Variants in BLTP1 observed in about 807,000 individuals in gnomAD.
BLTP1 encodes bridge-like lipid transfer protein family member 1.
At chr4:122,216,968 T>A in the BLTP1 span, among the ~76,000 whole-genome samples, 185 of 152,326 alleles carry the variant, frequency 1.2e-3, no homozygotes, top group Non-Finnish European at 2.3e-3. Context: ...ACAGTTTCAT[T>A]CTTCTACTTG....
chr4:122,224,880 G>A, the BLTP1 span: 2 of 1,469,078 alleles, frequency 1.4e-6, no homozygotes, highest in Non-Finnish European at 9.0e-7. Context: ...CATATAATTT[G>A]TTGGGTGTAA....
chr4:122,323,688 G>A, the BLTP1 span, among the ~76,000 whole-genome samples: 1 of 151,834 alleles, frequency 6.6e-6, no homozygotes, highest in Non-Finnish European at 1.5e-5. Flanking sequence ...TCTGTAACAT[G>A]TAATTTTATA....
chr4:122,360,526 T>C, the BLTP1 span, among the ~76,000 whole-genome samples: 5 of 152,172 alleles, frequency 3.3e-5, no homozygotes, highest in Non-Finnish European at 7.4e-5. Context: ...TTCTGCAAAA[T>C]GATATACATT....
At chr4:122,208,103 T>C in the BLTP1 span, 42 of 984,318 alleles carry the variant, frequency 4.3e-5, no homozygotes, top group Non-Finnish European at 4.9e-5. Flanking sequence ...GTAGTACTTG[T>C]AGTATTAATA....
At chr4:122,280,030 G>T in the BLTP1 span, 1 of 1,610,020 alleles carries the variant, frequency 6.2e-7, no homozygotes. Flanking sequence ...TACTACCTCA[G>T]GGTATTCTTT....
chr4:122,205,634 CCCCCCCTTCT>C, the BLTP1 span, among the ~76,000 whole-genome samples: 1 of 34,018 alleles, frequency 2.9e-5, no homozygotes, highest in Non-Finnish European at 5.8e-5. Flanking sequence ...CAATTGTTTC[CCCCCCCTTCT>C]CTCTCTCTCT....
chr4:122,201,879 C>T, the BLTP1 span: 5 of 984,688 alleles, frequency 5.1e-6, no homozygotes, highest in Admixed American at 6.2e-5. Context: ...AGCGTCTCAT[C>T]GATGCTGAGT....
At chr4:122,246,368 G>T in the BLTP1 span, 1 of 1,311,132 alleles carries the variant, frequency 7.6e-7, no homozygotes, top group Non-Finnish European at 1.0e-6. Flanking sequence ...GTCCTTTTCA[G>T]TTACCAACGT....
the BLTP1 span, among the ~76,000 whole-genome samples, chr4:122,313,188 T>C: frequency 6.6e-6 from 1 of 152,268 alleles, no homozygotes; most frequent in Admixed American, 6.5e-5. Context: ...TGATGAATCA[T>C]GTGTCTGACC....
the BLTP1 span, among the ~76,000 whole-genome samples, chr4:122,200,802 C>G: frequency 1.3e-5 from 2 of 152,092 alleles, no homozygotes; most frequent in African/African-American, 2.4e-5. Context: ...TTGACCACAT[C>G]TTGACTTAAT....
the BLTP1 span, chr4:122,204,874 T>C: frequency 2.4e-6 from 2 of 848,564 alleles, no homozygotes; most frequent in East Asian, 2.4e-4. Flanking sequence ...ATCACTGTGA[T>C]TGTTAAATAA....
the BLTP1 span, chr4:122,219,113 A>G: frequency 1.0e-6 from 1 of 983,112 alleles, no homozygotes; most frequent in Non-Finnish European, 1.2e-6. Flanking sequence ...TTTTCTATAA[A>G]ATAGGCTCTG....
the BLTP1 span, chr4:122,207,514 C>CTTTTTTTTTTTTTTTTT: frequency 1.0e-5 from 13 of 1,286,852 alleles, no homozygotes; most frequent in Admixed American, 8.0e-5. Context: ...ACTTTTTCTT[C>CTTTTTTTTTTTTTTTTT]TTTTTTTTTT....
the BLTP1 span, chr4:122,258,679 T>C: frequency 6.2e-7 from 1 of 1,602,958 alleles, no homozygotes; most frequent in Non-Finnish European, 8.5e-7. Flanking sequence ...TATTGCTCAC[T>C]TATTCTTTTG....
the BLTP1 span, chr4:122,359,840 T>G: frequency 7.0e-7 from 1 of 1,427,118 alleles, no homozygotes; most frequent in South Asian, 1.6e-5. Flanking sequence ...TAGTCTCCTG[T>G]AATGTCTATA....
the BLTP1 span, chr4:122,187,792 A>G: frequency 2.4e-6 from 3 of 1,266,036 alleles, no homozygotes; most frequent in Non-Finnish European, 3.2e-6. Context: ...GGAATCATTA[A>G]GCTGTTGTTT....
chr4:122,192,893 A>C, the BLTP1 span, among the ~76,000 whole-genome samples: 1 of 152,210 alleles, frequency 6.6e-6, no homozygotes, highest in South Asian at 2.1e-4. Flanking sequence ...CATCACAGAT[A>C]ATGTGGCTTA....
the BLTP1 span, chr4:122,240,457 G>T: frequency 1.1e-6 from 1 of 952,260 alleles, no homozygotes; most frequent in Non-Finnish European, 1.5e-6. Context: ...CTACCTTTCT[G>T]AGAGAGAGAC....
the BLTP1 span, among the ~76,000 whole-genome samples, chr4:122,267,231 T>C: frequency 5.9e-5 from 9 of 151,708 alleles, no homozygotes; most frequent in Non-Finnish European, 1.5e-5. Flanking sequence ...GCTAATGTTT[T>C]TGTATTTTTA....
Sources: allele counts gnomAD v4.1 joint callset (sites outside exome capture counted in the v4.1 genomes callset), GRCh38; gene constraint gnomAD v4.1.1; transcripts MANE v1.5; gene names NCBI Gene and HGNC (gene_info 2026-07-23, HGNC 2026-07-21).